The following OR13A1 variants were observed in gnomAD, a reference collection of about 807,000 sequenced individuals.
OR13A1 encodes olfactory receptor family 13 subfamily A member 1.
OR13A1 carries 10 observed loss-of-function variants against 7.5 expected under a neutral mutation model. The ratio of observed to expected loss-of-function variants is 1.34; its 90% confidence interval spans 0.83 to 2.27. OR13A1 has a LOEUF of 2.27. OR13A1 is among the 30% of genes most tolerant of loss of function. OR13A1 has a pLI of 0.00. For synonymous variants in OR13A1, 238 were observed against 177.9 expected (o/e 1.34, Z -2.69); for missense variants, 509 against 419.1 (o/e 1.21, Z -1.87).
chr10:45,303,629 A>C lies in OR13A1; in HGVS notation c.794T>G (p.Val265Gly). 2.5e-6 allele frequency: 4 copies of C among 1,614,200 alleles called. No individual in the cohort carries two copies. The highest frequency in any genetic ancestry group is 3.4e-6 in the Non-Finnish European group (4 of 1,180,024). ...AFSTCSSHLTVVCMYYTAVFY... is the reference protein window; with the variant it reads ...AFSTCSSHLTGVCMYYTAVFY... ...GACAGCGGTGTAATACATGCACACCACGGTGAGGTGGGAAGAGCAGGTGGA... is the reference window on the plus strand; with the variant it reads ...GACAGCGGTGTAATACATGCACACCCCGGTGAGGTGGGAAGAGCAGGTGGA... Residue 265 changes from valine to glycine, a missense_variant, in exon 4 of 4, where the codon GTG becomes GGG. By Grantham distance (109) the Val-to-Gly change is moderately radical. Transcript: ENST00000553795.
chr10:45,304,081 G>T lies in OR13A1; in HGVS notation c.342C>A (p.Gly114=). 1 of 1,613,976 alleles carries T rather than the reference G, an allele frequency of 6.2e-7. No homozygotes were observed. The highest frequency in any genetic ancestry group is 1.1e-5 in the South Asian group (1 of 91,038). Residue 114 remains glycine, a synonymous_variant, in exon 4 of 4, where the codon GGC becomes GGA. Transcript: ENST00000553795. ...TGAGGAAATAGAGCTGGGCCATGCA[G>T]CCCCCGTAGGAGATGGAGCTCTCTT... The part of the protein sequence containing the change: ...VSEESSISYG[G]CMAQLYFLTW...
chr10:45,306,440 G>A (rs546163681), intron 3 of OR13A1, among the ~76,000 whole-genome samples: 3 of 129,626 alleles, frequency 2.3e-5, no homozygotes, highest in South Asian at 4.8e-4. Context: ...GTGACAGAGC[G>A]AGACTCCGTC....
Position 45,303,680 on chromosome 10 carries a change from G to C in OR13A1, c.743C>G (p.Thr248Ser), listed in dbSNP as rs1344509334. The change falls in exon 4 of 4, where the codon ACT (threonine) becomes AGT (serine). Residue 248 changes from threonine to serine, a missense_variant. Physicochemically the swap from Thr to Ser is moderately conservative, Grantham distance 58 (BLOSUM62 1). Transcript: ENST00000553795. ...FIVSSILKVK[T>S]AWGRQKAFST... The stretch of plus-strand genomic sequence containing the variant: ...GAAGGCTTTCTGCCTCCCCCAGGCA[G>C]TCTTCACCTTCAGGATGCTGGAGAC... 1.2e-6 allele frequency: 2 copies of C among 1,614,096 alleles called. No homozygotes were observed. The highest frequency in any genetic ancestry group is 2.7e-5 in the African/African-American group (2 of 74,942).
At position 45,303,278 on chromosome 10, in the gene OR13A1, A is replaced by G. The variant is rs1165676315; in HGVS notation, c.*158T>C. The G allele has an allele frequency of 1.3e-6, 1 of 761,366 alleles. No individual in the cohort carries two copies. The highest frequency in any genetic ancestry group is 2.1e-6 in the Non-Finnish European group (1 of 466,504). 47.2% of individuals were successfully genotyped at this position (761,366 alleles called of 1,614,324 possible). ...GGGTCACACCTACCGCAATCCCCCC[A>G]TCACCAAGTCTCAGGGAACCAGCAC... On this transcript the variant is annotated 3_prime_UTR_variant, in exon 4 of 4. Coordinates refer to ENST00000553795, the MANE Select transcript of OR13A1 (RefSeq NM_001004297.3).
chr10:45,306,658 C>G (rs1038803271), intron 3 of OR13A1, among the ~76,000 whole-genome samples: 1 of 152,114 alleles, frequency 6.6e-6, no homozygotes, highest in Non-Finnish European at 1.5e-5. Context: ...CAGCTCAGGT[C>G]ATATCACCTT....
At position 45,304,434 on chromosome 10, in the gene OR13A1, G is replaced by T; in HGVS notation, c.-12C>A. 1 of 1,603,968 alleles carries T rather than the reference G, an allele frequency of 6.2e-7. No homozygotes were observed. Among genetic ancestry groups the T allele is most frequent in the Non-Finnish European group, 8.5e-7 (1 of 1,174,896 alleles). On this transcript the variant is annotated splice_region_variant and 5_prime_UTR_variant, in exon 4 of 4. Transcript: ENST00000553795. ...ATCCACAGCTTCATGTGATTTCAGA[G>T]CTAGAGAGATAAACAAGAGGTGTCC...
chr10:45,314,309 G>A (rs1293951324), intron 1 of OR13A1, among the ~76,000 whole-genome samples: 6 of 151,954 alleles, frequency 3.9e-5, no homozygotes, highest in Non-Finnish European at 5.9e-5. Context: ...ATAAAAGGAA[G>A]AAAGTGGCTA....
chr10:45,312,208 A>G (rs535037084), intron 1 of OR13A1, among the ~76,000 whole-genome samples: 12 of 152,230 alleles, frequency 7.9e-5, no homozygotes, highest in African/African-American at 2.9e-4. Context: ...TAATGGCTAC[A>G]ATTTTTCTAA....
At chr10:45,308,268 A>G (rs1436608013) in intron 1 of OR13A1, among the ~76,000 whole-genome samples, 1 of 152,264 alleles carries the variant, frequency 6.6e-6, no homozygotes, top group African/African-American at 2.4e-5. Flanking sequence ...TTGGAAAGTC[A>G]TAAATGTATC....
Position 45,304,430 on chromosome 10 carries a change from C to G in OR13A1, c.-8G>C, listed in dbSNP as rs868525686. 6.2e-7 allele frequency: 1 copy of G among 1,607,958 alleles called. No homozygotes were observed. ...CTCCATCCACAGCTTCATGTGATTT[C>G]AGAGCTAGAGAGATAAACAAGAGGT... On this transcript the variant is annotated 5_prime_UTR_variant, in exon 4 of 4. It removes the in-frame stop codon of an upstream open reading frame in the 5' UTR. Coordinates refer to ENST00000553795, the MANE Select transcript of OR13A1 (RefSeq NM_001004297.3).
chr10:45,314,387 A>G (rs1387117989), intron 1 of OR13A1, among the ~76,000 whole-genome samples: 13 of 151,638 alleles, frequency 8.6e-5, no homozygotes, highest in African/African-American at 3.1e-4. Context: ...TCTGGAGGCC[A>G]GGAATTTGAG....
intron 1 of OR13A1, among the ~76,000 whole-genome samples, chr10:45,313,468 C>T (rs776260174): frequency 2.0e-5 from 3 of 151,850 alleles, no homozygotes; most frequent in African/African-American, 2.4e-5. Context: ...GGATTAAACT[C>T]CTGAATCAAA....
At chr10:45,315,226 A>G (rs1452786621) in intron 1 of OR13A1, among the ~76,000 whole-genome samples, 2 of 152,164 alleles carry the variant, frequency 1.3e-5, no homozygotes, top group Non-Finnish European at 2.9e-5. Flanking sequence ...AGACAGGAGA[A>G]TCCCTTGAAC....
At chr10:45,305,179 A>C (rs1838302521) in intron 3 of OR13A1, among the ~76,000 whole-genome samples, 1 of 152,114 alleles carries the variant, frequency 6.6e-6, no homozygotes, top group Admixed American at 6.6e-5. Flanking sequence ...GGTTTCGGTG[A>C]GCTGAGACCA....
At position 45,304,454 on chromosome 10, in the gene OR13A1, G is replaced by T. The variant is rs148610507; in HGVS notation, c.-12-20C>A. On this transcript the variant is annotated intron_variant, in intron 3 of 3. Coordinates refer to ENST00000553795, the MANE Select transcript of OR13A1 (RefSeq NM_001004297.3). ...TCAGAGCTAGAGAGATAAACAAGAG[G>T]TGTCCTGAGGAAGGCTGCTCCCGTG... The T allele has an allele frequency of 1.3e-6, 2 of 1,583,470 alleles. No homozygotes were observed. The highest frequency in any genetic ancestry group is 1.7e-6 in the Non-Finnish European group (2 of 1,164,766).
In OR13A1 at chr10:45,304,424, T is replaced by G; in HGVS notation, c.-2A>C. 11 of 1,610,092 alleles carry G rather than the reference T, an allele frequency of 6.8e-6. No individual in the cohort carries two copies. The highest frequency in any genetic ancestry group is 9.3e-6 in the Non-Finnish European group (11 of 1,178,220). ...GTGACTCTCCATCCACAGCTTCATGTGATTTCAGAGCTAGAGAGATAAACA... is the reference window on the plus strand; with the variant it reads ...GTGACTCTCCATCCACAGCTTCATGGGATTTCAGAGCTAGAGAGATAAACA... On this transcript the variant is annotated 5_prime_UTR_variant, in exon 4 of 4. Transcript: ENST00000553795.
chr10:45,303,549 C>A lies in OR13A1; in HGVS notation c.874G>T (p.Ala292Ser), dbSNP rs143615710. 1.4e-5 allele frequency: 22 copies of A among 1,614,082 alleles called. No homozygotes were observed. Among genetic ancestry groups the A allele is most frequent in the Middle Eastern group, 3.3e-4 (2 of 6,062 alleles). The change falls in exon 4 of 4, where the codon GCT becomes TCT. Residue 292 changes from alanine (A) to serine (S), a missense_variant. Coordinates refer to ENST00000553795, the MANE Select transcript of OR13A1 (RefSeq NM_001004297.3). ...SGYSAGKSKL[A>S]GLLYTVLSPT... ...CTCAGCACAGTGTACAGCAGGCCAG[C>A]CAACTTGCTCTTCCCTGCGCTGTAG...
Position 45,308,260 on chromosome 10 carries a change from G to A in OR13A1, c.-224-452C>T, listed in dbSNP as rs540900679. On this transcript the variant is annotated intron_variant, in intron 1 of 3. Coordinates refer to ENST00000553795, the MANE Select transcript of OR13A1 (RefSeq NM_001004297.3). ...ATAACTTTGTCCAACCTATTGATTT[G>A]GAAAGTCATAAATGTATCTAAATAA... Among the ~76,000 whole-genome samples the A allele has an allele frequency of 2.0e-5, 3 of 152,304 alleles. No homozygotes were observed. In the South Asian group the frequency reaches 6.2e-4, roughly 32 times the overall value.
chr10:45,310,517 C>T (rs1241515473), intron 1 of OR13A1, among the ~76,000 whole-genome samples: 2 of 152,136 alleles, frequency 1.3e-5, no homozygotes. Flanking sequence ...AACTTCTGCT[C>T]ATATTTTACA....
Sources: gnomAD v4.1 joint callset for allele counts (sites outside exome capture counted in the v4.1 genomes callset) on GRCh38, gnomAD v4.1.1 for gene constraint, MANE v1.5 for transcripts, NCBI Gene and HGNC (gene_info 2026-07-23, HGNC 2026-07-21) for gene names.